Variants in NKD1 observed in about 807,000 individuals in gnomAD.
NKD1 encodes the protein protein naked cuticle homolog 1.
NKD1 carries 21 observed loss-of-function variants against 56.0 expected under a neutral mutation model. The ratio of observed to expected loss-of-function variants is 0.38; its 90% CI spans 0.27 to 0.54. NKD1 has a LOEUF of 0.54. NKD1 is among the 20% of genes least tolerant of loss of function. NKD1 has a pLI of 0.82. For synonymous variants in NKD1, 263 were observed against 265.7 expected (o/e 0.99, Z 0.10); for missense variants, 578 against 642.7 (o/e 0.90, Z 1.09).
chr16:50,621,277 C>G (rs889205229), intron 4 of NKD1, among the ~76,000 whole-genome samples: 1 of 152,170 alleles, frequency 6.6e-6, no homozygotes, highest in African/African-American at 2.4e-5. Context: ...CAGAAGCACC[C>G]CTCCACTCTC....
rs1187818397 is a variant in NKD1 at position 50,630,266 on chromosome 16, G to C, written c.543G>C (p.Leu181=). Residue 181 remains leucine (L), a synonymous_variant, in exon 7 of 10, where the codon CTG becomes CTC. Transcript: ENST00000268459. The part of the protein sequence containing the change: ...VNHSPTSSKM[L]RVKLTVAPDG... ...ACTCCCCAACATCCAGCAAGATGCT[G>C]CGGGTAAAGCTCACCGTGGCCCCCG... is the stretch of plus-strand genomic sequence containing the variant. 1 of 1,614,204 alleles carries C rather than the reference G, an allele frequency of 6.2e-7. No individual in the cohort carries two copies. The highest frequency in any genetic ancestry group is 1.7e-5 in the Admixed American group (1 of 60,026).
At chr16:50,582,846 A>C (rs940960036) in intron 3 of NKD1, among the ~76,000 whole-genome samples, 2 of 152,130 alleles carry the variant, frequency 1.3e-5, no homozygotes, top group African/African-American at 4.8e-5. Context: ...GACTCTACTA[A>C]AAATACAAAA....
At chr16:50,612,362 G>C (rs1264969045) in intron 4 of NKD1, among the ~76,000 whole-genome samples, 2 of 152,212 alleles carry the variant, frequency 1.3e-5, no homozygotes, top group Non-Finnish European at 2.9e-5. Flanking sequence ...CCTGTCCAGG[G>C]TCACACAGCA....
chr16:50,625,266 G>T, intron 5 of NKD1: 2 of 585,984 alleles, frequency 3.4e-6, no homozygotes, highest in Non-Finnish European at 6.1e-6. Flanking sequence ...AGGCACCCCT[G>T]CAGGCATCCC....
chr16:50,574,312 G>C, intron 3 of NKD1: 1 of 985,416 alleles, frequency 1.0e-6, no homozygotes, highest in Non-Finnish European at 1.2e-6. Flanking sequence ...ATGTGGGTGT[G>C]AGTCAGAACT....
At chr16:50,622,636 C>T (rs761567433) in intron 5 of NKD1, among the ~76,000 whole-genome samples, 1 of 152,196 alleles carries the variant, frequency 6.6e-6, no homozygotes, top group Non-Finnish European at 1.5e-5. Context: ...CGTGCCTCGC[C>T]TGTAAGGTGG....
chr16:50,615,899 C>T (rs1461945836), intron 4 of NKD1: 6 of 371,010 alleles, frequency 1.6e-5, no homozygotes, highest in Non-Finnish European at 2.2e-5. Context: ...CCCTCATTCC[C>T]TAAGGAGAGC....
At chr16:50,624,657 A>C (rs1485386289) in intron 5 of NKD1, among the ~76,000 whole-genome samples, 1 of 152,170 alleles carries the variant, frequency 6.6e-6, no homozygotes, top group Non-Finnish European at 1.5e-5. Context: ...AAAGCCAGTG[A>C]AGGCTGGGTT....
intron 3 of NKD1, among the ~76,000 whole-genome samples, chr16:50,580,032 C>G (rs1179409172): frequency 1.3e-5 from 2 of 152,082 alleles, no homozygotes; most frequent in African/African-American, 4.8e-5. Context: ...CACAGGCTAC[C>G]AGCTACACAC....
intron 5 of NKD1, 61 bp downstream of exon 5, chr16:50,621,769 T>C: frequency 7.7e-7 from 1 of 1,295,580 alleles, no homozygotes; most frequent in Non-Finnish European, 1.1e-6. Flanking sequence ...AGCTTGGGGC[T>C]TTGGGAGGAG....
intron 3 of NKD1, among the ~76,000 whole-genome samples, chr16:50,553,080 CAGAG>C (rs1000791998): frequency 3.3e-5 from 5 of 152,192 alleles, no homozygotes; most frequent in African/African-American, 1.2e-4. Context: ...ATCATAAACT[CAGAG>C]AGAAACGGAG....
chr16:50,607,086 G>A (rs1416816191), intron 3 of NKD1: 2 of 454,684 alleles, frequency 4.4e-6, no homozygotes, highest in African/African-American at 4.0e-5. Flanking sequence ...TGGTTTTGAA[G>A]TAAATGGGAC....
At chr16:50,571,188 C>T (rs1192764765) in intron 3 of NKD1, among the ~76,000 whole-genome samples, 1 of 152,220 alleles carries the variant, frequency 6.6e-6, no homozygotes, top group Non-Finnish European at 1.5e-5. Flanking sequence ...GTGACATGGG[C>T]TCTGGCCTAG....
chr16:50,618,219 T>A (rs1349727638), intron 4 of NKD1, among the ~76,000 whole-genome samples: 1 of 152,130 alleles, frequency 6.6e-6, no homozygotes, highest in African/African-American at 2.4e-5. Flanking sequence ...AGACTTTCAA[T>A]TGAAGAGTGA....
intron 3 of NKD1, among the ~76,000 whole-genome samples, chr16:50,572,668 C>T (rs993211066): frequency 1.3e-5 from 2 of 152,164 alleles, no homozygotes; most frequent in Non-Finnish European, 2.9e-5. Context: ...CAGAGAAATC[C>T]TCTCTGCACC....
intron 3 of NKD1, chr16:50,573,065 C>T (rs1232370110): frequency 6.4e-6 from 1 of 157,354 alleles, no homozygotes; most frequent in Non-Finnish European, 1.4e-5. Flanking sequence ...GAATCTTCCT[C>T]CTGGAGTTGG....
intron 3 of NKD1, among the ~76,000 whole-genome samples, chr16:50,559,810 A>G (rs1456035993): frequency 1.3e-5 from 2 of 152,174 alleles, no homozygotes; most frequent in Non-Finnish European, 2.9e-5. Context: ...GGCCTTGAGC[A>G]TAGAGCTGGG....
chr16:50,630,922 TG>T lies in NKD1; in HGVS notation c.695+14del, dbSNP rs1472507109. On this transcript the variant is annotated intron_variant, in intron 8 of 9. Transcript: ENST00000268459. ...CGAGCCCCGCTCAGGTATGTGGGCA[TG>T]GTGCACATGAGCATATGTTGAGCAC... 6.4e-7 allele frequency: 1 copy of T among 1,563,254 alleles called. No homozygotes were observed. The highest frequency in any genetic ancestry group is 1.9e-5 in the Admixed American group (1 of 53,264).
rs1408363852 is a variant in NKD1 at position 50,642,898 on chromosome 16, AC to A, written c.*9120del. 6.6e-6 allele frequency: 1 copy of A among 152,028 alleles called. No individual in the cohort carries two copies. Among genetic ancestry groups the A allele is most frequent in the Non-Finnish European group, 1.5e-5 (1 of 68,050 alleles). The allele number at this position is 152,028 out of a possible 1,614,324, so 9.4% of individuals were successfully genotyped here. A position where few individuals can be genotyped will look rare whatever the true frequency, so the allele number is the denominator to read the frequency against. On this transcript the variant is annotated 3_prime_UTR_variant, in exon 10 of 10. Coordinates refer to ENST00000268459, the MANE Select transcript of NKD1 (RefSeq NM_033119.5). ...GATGGGATCACTCTGTTCCTTCCAG[AC>A]CCGACTTGTGGTGTGAACTTGGACA...
Sources: allele counts gnomAD v4.1 joint callset (sites outside exome capture counted in the v4.1 genomes callset), GRCh38; gene constraint gnomAD v4.1.1; transcripts MANE v1.5; gene names NCBI Gene and HGNC (gene_info 2026-07-23, HGNC 2026-07-21).